The following CEP131 variants were observed in gnomAD, a reference collection of about 807,000 sequenced individuals.
CEP131 encodes centrosomal protein 131.
In CEP131, 99 loss-of-function variants were observed where a neutral mutation model predicts 136.8. The ratio of observed to expected loss-of-function variants is 0.72; its 90% CI spans 0.62 to 0.86. The LOEUF is 0.86. Among genes scored for constraint, CEP131 ranks in the 40% least tolerant of loss-of-function variants. The pLI is 0.00. For missense variants in CEP131, 1,459 were observed against 1,463.0 expected (o/e 1.00, Z 0.04); for synonymous variants, 646 against 612.7 (o/e 1.05, Z -0.80).
intron 9 of CEP131, 82 bp from the exon 10 acceptor site, chr17:81,199,631 G>A (rs1292467394): frequency 5.6e-6 from 9 of 1,594,922 alleles, no homozygotes; most frequent in Middle Eastern, 2.1e-4. Flanking sequence ...GAGGCTAAGT[G>A]TCCCGGGGCC....
At chr17:81,196,037 G>C (rs79037566) in intron 15 of CEP131, 86 bp from the exon 16 acceptor site, 71,677 of 1,163,402 alleles carry the variant, frequency 0.062, 3,026 homozygotes, top group African/African-American at 0.16. Flanking sequence ...CAGCCTCCGA[G>C]GGAGGCTAAC....
intron 1 of CEP131, among the ~76,000 whole-genome samples, chr17:81,221,572 C>G (rs1191245790): frequency 3.4e-5 from 5 of 148,620 alleles, no homozygotes; most frequent in Admixed American, 3.3e-4. Context: ...CCCTGGTTCT[C>G]CTCAAACTCA....
At chr17:81,206,248 C>G (rs950347282) in intron 5 of CEP131, among the ~76,000 whole-genome samples, 2 of 152,128 alleles carry the variant, frequency 1.3e-5, no homozygotes, top group African/African-American at 4.8e-5. Flanking sequence ...CTGTGCCAAC[C>G]CTGGAGAATA....
At chr17:81,192,685 G>GGGGGGGGGGGCCCC in intron 19 of CEP131, 51 bp downstream of exon 19, 1 of 478,420 alleles carries the variant, frequency 2.1e-6, no homozygotes, top group Non-Finnish European at 4.1e-6. Context: ...GGGGGGAGGG[G>GGGGGGGGGGGCCCC]TCAGCCAGCG....
chr17:81,214,621 T>A (rs891967277), intron 2 of CEP131, among the ~76,000 whole-genome samples: 2 of 152,094 alleles, frequency 1.3e-5, no homozygotes, highest in African/African-American at 4.8e-5. Flanking sequence ...TACAGTCAGA[T>A]ATCTTTTGTT....
At chr17:81,218,448 G>A (rs896833712) in intron 2 of CEP131, among the ~76,000 whole-genome samples, 4 of 152,246 alleles carry the variant, frequency 2.6e-5, no homozygotes, top group Non-Finnish European at 4.4e-5. Context: ...GGTCAGTGAC[G>A]CAGGAGCAGG....
rs763590012 is a variant in CEP131, at chr17:81,203,410, C to G, written c.629+84G>C. 3.8e-5 allele frequency: 43 copies of G among 1,141,618 alleles called. No homozygotes were observed. The highest frequency in any genetic ancestry group is 5.0e-5 in the Non-Finnish European group (40 of 794,660). 70.7% of individuals were successfully genotyped at this position (1,141,618 alleles called of 1,614,324 possible). ...GTGTGAACTGACCGCGTGCCCTGAC[C>G]GAGGTCGGACCCCAGGTGCACTGAC... is the stretch of plus-strand genomic sequence containing the variant. On this transcript the variant is annotated intron_variant, in intron 6 of 25. Coordinates refer to ENST00000450824, the MANE Select transcript of CEP131 (RefSeq NM_014984.4). This position sits in a 1 kb window ranked among gnomAD's most constrained non-coding sequence, Gnocchi z 4.6.
chr17:81,202,420 CCCTCGTCTCACCGCCCAGGGGAACAG>C, intron 6 of CEP131, 22 bp from the exon 7 acceptor site: 1 of 1,608,622 alleles, frequency 6.2e-7, no homozygotes, highest in Non-Finnish European at 8.5e-7. Context: ...GAAGAAAACA[CCCTCGTCTCACCGCCCAGGGGAACAG>C]CTCTGCCCAC....
chr17:81,190,180 C>T (rs1339605556), intron 24 of CEP131, among the ~76,000 whole-genome samples: 1 of 152,182 alleles, frequency 6.6e-6, no homozygotes, highest in East Asian at 1.9e-4. Flanking sequence ...GGAGTATGAC[C>T]CTGGCCACAC....
chr17:81,209,568 T>C (rs1227131471), intron 2 of CEP131, among the ~76,000 whole-genome samples: 2 of 100,110 alleles, frequency 2.0e-5, no homozygotes, highest in African/African-American at 7.1e-5. Flanking sequence ...TAAGCAAGGA[T>C]CAGAGCGCTC....
intron 2 of CEP131, 110 bp from the exon 3 acceptor site, chr17:81,209,132 AG>A: frequency 1.3e-6 from 1 of 798,948 alleles, no homozygotes; most frequent in African/African-American, 1.7e-5. Flanking sequence ...GGGTGGCCCT[AG>A]GGTTACAGGT....
chr17:81,208,655 C>T lies in CEP131; in HGVS notation c.272+273G>A, dbSNP rs549898209. Among the ~76,000 whole-genome samples, 1 of 152,354 alleles carries T rather than the reference C, an allele frequency of 6.6e-6. No homozygotes were observed. The highest frequency in any genetic ancestry group is 2.1e-4 in the South Asian group (1 of 4,828). ...GTGGAAAGGGCTTCAGCGGAGCCCT[C>T]AGGCAGGGTCCCAGCAGCCGCCGGG... On this transcript the variant is annotated intron_variant, in intron 3 of 25. Coordinates refer to ENST00000450824, the MANE Select transcript of CEP131 (RefSeq NM_014984.4). The surrounding 1 kb of genome is among the most constrained non-coding windows in gnomAD (Gnocchi z 5.6).
rs929985332 is a variant in CEP131 at position 81,208,314 on chromosome 17, T to G, written c.272+614A>C. On this transcript the variant is annotated intron_variant, in intron 3 of 25. Transcript: ENST00000450824. This position sits in a 1 kb window ranked among gnomAD's most constrained non-coding sequence, Gnocchi z 5.6. The stretch of plus-strand genomic sequence containing the variant: ...GACCCAGAACTCAGCCTTCATTAGG[T>G]CCACGGCCCCACAGGAGCACCCTGC... 6.6e-6 allele frequency among the ~76,000 whole-genome samples: 1 copy of G among 152,134 alleles called. No homozygotes were observed. The highest frequency in any genetic ancestry group is 2.4e-5 in the African/African-American group (1 of 41,428).
intron 19 of CEP131, 69 bp downstream of exon 19, chr17:81,192,667 A>AGGGGTGGGGGGGGGGGGGGGGGGG (rs1567847974): frequency 5.7e-6 from 1 of 176,868 alleles, no homozygotes; most frequent in African/African-American, 4.9e-5. Flanking sequence ...TCAGCGGGTG[A>AGGGGTGGGGGGGGGGGGGGGGGGG]GGGGGCGGGG....
chr17:81,198,224 C>T lies in CEP131; in HGVS notation c.1361G>A (p.Arg454Lys). 1 of 1,600,498 alleles carries T rather than the reference C, an allele frequency of 6.2e-7. No individual in the cohort carries two copies. The highest frequency in any genetic ancestry group is 8.5e-7 in the Non-Finnish European group (1 of 1,173,666). Residue 454 changes from arginine to lysine, a missense_variant, in exon 12 of 26, where the codon AGG becomes AAG. Arg to Lys is a conservative substitution (Grantham distance 26). Transcript: ENST00000450824. ...MAPSRGSAKS[R>K]GPLEELLHTL... Reference sequence around the variant, plus strand: ...GTGCAGCAGCTCCTCCAGTGGCCCCCTGGACTTGGCGCTCCCCCTGCTCGG... The same window carrying T: ...GTGCAGCAGCTCCTCCAGTGGCCCCTTGGACTTGGCGCTCCCCCTGCTCGG...
At chr17:81,206,017 A>G (rs1388781201) in intron 5 of CEP131, among the ~76,000 whole-genome samples, 2 of 152,206 alleles carry the variant, frequency 1.3e-5, no homozygotes, top group African/African-American at 4.8e-5. Context: ...CATCCCGGCC[A>G]ACATGGTGAA....
At position 81,198,971 on chromosome 17, in the gene CEP131, C is replaced by T. The variant is rs745382392; in HGVS notation, c.1193G>A (p.Gly398Asp). 1.3e-6 allele frequency: 2 copies of T among 1,558,774 alleles called. No individual in the cohort carries two copies. Among genetic ancestry groups the T allele is most frequent in the Non-Finnish European group, 1.7e-6 (2 of 1,154,976 alleles). Residue 398 changes from glycine to aspartate, a missense_variant and splice_region_variant, in exon 11 of 26, where the codon GGT becomes GAT. This residue lies in a region of CEP131 where 1,026 missense variants were observed against 964.2 expected (regional missense o/e 1.06). Coordinates refer to ENST00000450824, the MANE Select transcript of CEP131 (RefSeq NM_014984.4). ...AHQALKANNT[G>D]GGLPAAGPGD... ...GGGGCCTGCAGCAGGGAGGCCACCA[C>T]CTGCACAGCAGAACACAGCACCATT...
At chr17:81,197,665 G>A (rs1166350076) in intron 13 of CEP131, 47 bp downstream of exon 13, 1 of 1,570,688 alleles carries the variant, frequency 6.4e-7, no homozygotes, top group African/African-American at 1.4e-5. Flanking sequence ...AGGCTCGTGA[G>A]GGGCCTCCTC....
intron 13 of CEP131, chr17:81,197,323 A>C: frequency 1.8e-6 from 1 of 560,012 alleles, no homozygotes; most frequent in Non-Finnish European, 3.1e-6. Flanking sequence ...TGTGACAATA[A>C]AGTTCACGTC....
Sources: allele counts gnomAD v4.1 joint callset (sites outside exome capture counted in the v4.1 genomes callset), GRCh38; gene constraint gnomAD v4.1.1; regional missense constraint gnomAD v4.1.1; non-coding constraint Gnocchi (gnomAD v3.1); transcripts MANE v1.5; gene names NCBI Gene and HGNC (gene_info 2026-07-23, HGNC 2026-07-21).